PKIA: variants seen among roughly 807,000 people sequenced by gnomAD.
The protein encoded by PKIA is cAMP-dependent protein kinase inhibitor alpha, also known as PKI-alpha.
In PKIA, 4 loss-of-function variants were observed where a neutral mutation model predicts 7.6. The ratio of observed to expected loss-of-function variants is 0.52; its 90% CI spans 0.26 to 1.20. The LOEUF is 1.20. PKIA is among the 50% of genes most tolerant of loss of function. PKIA has a pLI of 0.13. For missense variants in PKIA, 73 were observed against 86.2 expected (o/e 0.85, Z 0.61); for synonymous variants, 21 against 30.7 (o/e 0.68, Z 1.04).
chr8:78,521,936 A>G (rs1809424855), intron 1 of PKIA, among the ~76,000 whole-genome samples: 1 of 151,914 alleles, frequency 6.6e-6, no homozygotes, highest in Non-Finnish European at 1.5e-5. Flanking sequence ...TAGGTACCTC[A>G]TAAGTGGAAT....
At chr8:78,530,599 A>G (rs1321548857) in intron 1 of PKIA, among the ~76,000 whole-genome samples, 1 of 151,988 alleles carries the variant, frequency 6.6e-6, no homozygotes, top group Non-Finnish European at 1.5e-5. Context: ...AAAGAGTTGC[A>G]TTGCTTAAAA....
intron 1 of PKIA, among the ~76,000 whole-genome samples, chr8:78,555,309 A>G (rs1353415016): frequency 6.6e-6 from 1 of 151,932 alleles, no homozygotes; most frequent in African/African-American, 2.4e-5. Context: ...CCTCCTCCAC[A>G]TCATCAAAAC....
intron 3 of PKIA, among the ~76,000 whole-genome samples, chr8:78,599,015 G>T (rs189943820): frequency 1.2e-4 from 19 of 152,120 alleles, no homozygotes; most frequent in African/African-American, 4.3e-4. Context: ...GAAGTAAAAT[G>T]ATCTGTTACA....
chr8:78,598,331 A>G, intron 2 of PKIA, 27 bp from the exon 3 acceptor site: 2 of 1,402,668 alleles, frequency 1.4e-6, no homozygotes, highest in Non-Finnish European at 2.0e-6. Flanking sequence ...CATTATATTC[A>G]CCTATTAATT....
intron 1 of PKIA, among the ~76,000 whole-genome samples, chr8:78,561,152 A>C (rs1287743296): frequency 2.0e-5 from 3 of 152,154 alleles, no homozygotes; most frequent in East Asian, 3.9e-4. Context: ...GGGGGCTTTA[A>C]GTATTTTTTC....
At chr8:78,568,398 G>A (rs1048705171) in intron 1 of PKIA, among the ~76,000 whole-genome samples, 1 of 152,160 alleles carries the variant, frequency 6.6e-6, no homozygotes, top group Non-Finnish European at 1.5e-5. Context: ...AGGGCATGGT[G>A]TATATAGTCA....
chr8:78,595,567 G>T (rs928638293), intron 2 of PKIA, among the ~76,000 whole-genome samples: 4 of 151,900 alleles, frequency 2.6e-5, no homozygotes, highest in Admixed American at 1.3e-4. Flanking sequence ...ATAGTTTTTT[G>T]ATCCTCACCC....
At chr8:78,560,103 T>C (rs988379755) in intron 1 of PKIA, among the ~76,000 whole-genome samples, 2 of 152,222 alleles carry the variant, frequency 1.3e-5, no homozygotes, top group African/African-American at 4.8e-5. Context: ...CACAAATCAT[T>C]TCCTGATTGC....
intron 2 of PKIA, 48 bp from the exon 3 acceptor site, chr8:78,598,310 G>T: frequency 8.6e-7 from 1 of 1,168,000 alleles, no homozygotes; most frequent in Non-Finnish European, 1.2e-6. Context: ...TAAATGTTTA[G>T]CATTGACTAC....
chr8:78,571,359 G>C (rs564012670), intron 1 of PKIA, among the ~76,000 whole-genome samples: 1 of 152,148 alleles, frequency 6.6e-6, no homozygotes, highest in Non-Finnish European at 1.5e-5. Context: ...TGTATCCGAT[G>C]CTGTCAGAGG....
rs1180463223 is a variant in PKIA at position 78,602,251 on chromosome 8, TC to T, written c.*432del. On this transcript the variant is annotated 3_prime_UTR_variant, in exon 4 of 4. Coordinates refer to ENST00000396418, the MANE Select transcript of PKIA (RefSeq NM_006823.4). ...AAGTGTTCACCCAGTAAAAGAAAGATCCAGAAAGCACTGTTTTTAGCATTAC... is the reference window on the plus strand; with the variant it reads ...AAGTGTTCACCCAGTAAAAGAAAGATCAGAAAGCACTGTTTTTAGCATTAC... 1.1e-5 allele frequency: 2 copies of T among 184,654 alleles called. No individual in the cohort carries two copies. Among genetic ancestry groups the T allele is most frequent in the African/African-American group, 4.8e-5 (2 of 41,784 alleles). The allele number at this position is 184,654 out of a possible 1,614,324, so 11.4% of individuals were successfully genotyped here.
intron 2 of PKIA, among the ~76,000 whole-genome samples, chr8:78,586,366 T>G (rs1402200211): frequency 6.6e-6 from 1 of 152,192 alleles, no homozygotes; most frequent in Non-Finnish European, 1.5e-5. Context: ...CACTTTTGCA[T>G]TTTCAAAAAT....
intron 1 of PKIA, among the ~76,000 whole-genome samples, chr8:78,543,064 G>A (rs768222066): frequency 6.6e-6 from 1 of 152,168 alleles, no homozygotes; most frequent in Non-Finnish European, 1.5e-5. Flanking sequence ...TCTCAGAAAT[G>A]TACACGCAAA....
At chr8:78,549,707 C>T (rs1251516941) in intron 1 of PKIA, among the ~76,000 whole-genome samples, 1 of 142,308 alleles carries the variant, frequency 7.0e-6, no homozygotes, top group Non-Finnish European at 1.5e-5. Context: ...ATTCTGAACC[C>T]TTGAAATCAC....
intron 1 of PKIA, among the ~76,000 whole-genome samples, chr8:78,539,806 A>T: frequency 6.6e-6 from 1 of 152,144 alleles, no homozygotes; most frequent in East Asian, 1.9e-4. Flanking sequence ...AATAAACCTA[A>T]TTATATTACA....
chr8:78,593,035 T>A (rs904770447), intron 2 of PKIA, among the ~76,000 whole-genome samples: 6 of 152,216 alleles, frequency 3.9e-5, no homozygotes, highest in African/African-American at 1.4e-4. Flanking sequence ...CTCTGAGACT[T>A]ATTTTCTCCA....
Position 78,602,713 on chromosome 8 carries a change from A to ATATATATATATATATATATT in PKIA, c.*893_*894insATATATATATATATATATTT, listed in dbSNP as rs1554584766. ...CCACATAATATATATATATATATAT[A>ATATATATATATATATATATT]TTTTAATTTATGAGAATTTTGGACA... is the stretch of plus-strand genomic sequence containing the variant. On this transcript the variant is annotated 3_prime_UTR_variant, in exon 4 of 4. Coordinates refer to ENST00000396418, the MANE Select transcript of PKIA (RefSeq NM_006823.4). The ATATATATATATATATATATT allele has an allele frequency of 2.0e-5, 3 of 147,894 alleles. No individual in the cohort carries two copies. Among genetic ancestry groups the ATATATATATATATATATATT allele is most frequent in the African/African-American group, 7.5e-5 (3 of 39,958 alleles). 9.2% of individuals were successfully genotyped at this position (147,894 alleles called of 1,614,324 possible). A position where few individuals can be genotyped will look rare whatever the true frequency, so the allele number is the denominator to read the frequency against.
At chr8:78,595,386 G>A (rs1307595530) in intron 2 of PKIA, among the ~76,000 whole-genome samples, 2 of 152,124 alleles carry the variant, frequency 1.3e-5, no homozygotes, top group African/African-American at 2.4e-5. Context: ...AGAATTTCCA[G>A]ATTCAGAATT....
chr8:78,525,699 G>A (rs887128386), intron 1 of PKIA, among the ~76,000 whole-genome samples: 1 of 151,938 alleles, frequency 6.6e-6, no homozygotes, highest in Non-Finnish European at 1.5e-5. Context: ...AGAGCTCTCA[G>A]GCAGCTTTTA....
Sources: gnomAD v4.1 joint callset for allele counts (sites outside exome capture counted in the v4.1 genomes callset) on GRCh38, gnomAD v4.1.1 for gene constraint, MANE v1.5 for transcripts, NCBI Gene and HGNC (gene_info 2026-07-23, HGNC 2026-07-21) for gene names.